The following MDGA2 variants were observed in gnomAD, a reference collection of about 807,000 sequenced individuals.
MDGA2 encodes the protein MAM domain-containing glycosylphosphatidylinositol anchor protein 2.
Under a neutral mutation model 117.8 loss-of-function variants are expected in MDGA2, and 40 were observed. The observed-to-expected ratio is 0.34, with a 90% CI of 0.26 to 0.44. The LOEUF is 0.44. Among genes scored for constraint, MDGA2 ranks in the 20% least tolerant of loss-of-function variants. The pLI is 1.00. For missense variants in MDGA2, 1,123 were observed against 1,250.6 expected (o/e 0.90, Z 1.54); for synonymous variants, 452 against 439.0 (o/e 1.03, Z -0.37).
At chr14:47,376,572 C>A (rs1028730938) in intron 1 of MDGA2, among the ~76,000 whole-genome samples, 4 of 152,212 alleles carry the variant, frequency 2.6e-5, no homozygotes, top group African/African-American at 9.6e-5. Context: ...TAGTTCTCAC[C>A]TCAGTAGGGG....
chr14:47,160,714 CT>C (rs1883600056), intron 3 of MDGA2, among the ~76,000 whole-genome samples: 1 of 152,132 alleles, frequency 6.6e-6, no homozygotes, highest in South Asian at 2.1e-4. Context: ...ACATAAAACT[CT>C]GCTGGGATTG....
chr14:47,631,087 C>T (rs374758302), intron 1 of MDGA2, among the ~76,000 whole-genome samples: 42 of 152,308 alleles, frequency 2.8e-4, no homozygotes, highest in South Asian at 2.3e-3. Context: ...ACAATGTGAT[C>T]ACCTGGAAGG....
intron 1 of MDGA2, among the ~76,000 whole-genome samples, chr14:47,611,311 G>T (rs1252431776): frequency 6.6e-6 from 1 of 152,078 alleles, no homozygotes; most frequent in African/African-American, 2.4e-5. Context: ...AAGATTTCAT[G>T]ACCAAGAACC....
chr14:47,441,311 G>A (rs1419086637), intron 1 of MDGA2, among the ~76,000 whole-genome samples: 1 of 152,130 alleles, frequency 6.6e-6, no homozygotes, highest in Non-Finnish European at 1.5e-5. Context: ...GCACTGAGCC[G>A]GACAGGGAGC....
intron 1 of MDGA2, among the ~76,000 whole-genome samples, chr14:47,582,878 T>C: frequency 6.6e-6 from 1 of 151,914 alleles, no homozygotes; most frequent in Non-Finnish European, 1.5e-5. Flanking sequence ...AACTTCAACC[T>C]CTTTGTCAGG....
chr14:47,324,108 G>T (rs1890069970), intron 1 of MDGA2, among the ~76,000 whole-genome samples: 1 of 152,012 alleles, frequency 6.6e-6, no homozygotes, highest in Admixed American at 6.6e-5. Context: ...AGCCAGGCGT[G>T]GTGGCAGGCA....
chr14:46,936,909 C>T lies in MDGA2; in HGVS notation c.2090-16749G>A, dbSNP rs148789700. 2.3e-3 allele frequency among the ~76,000 whole-genome samples: 345 copies of T among 152,046 alleles called. 2 individuals carry two copies. Among genetic ancestry groups the T allele is most frequent in the African/African-American group, 7.9e-3 (326 of 41,462 alleles). On this transcript the variant is annotated intron_variant, in intron 9 of 16. Transcript: ENST00000399232. ...AAGACAAGGATGCCCACTCTTACCA[C>T]TCTTATTCAACGCAGTACTAGATGT...
chr14:46,964,245 C>G (rs1885926216), intron 8 of MDGA2, among the ~76,000 whole-genome samples: 1 of 152,188 alleles, frequency 6.6e-6, no homozygotes, highest in Admixed American at 6.5e-5. Flanking sequence ...AAGAAACCAT[C>G]TTGGACATTA....
intron 1 of MDGA2, among the ~76,000 whole-genome samples, chr14:47,335,056 T>G (rs906288416): frequency 6.6e-6 from 1 of 151,872 alleles, no homozygotes; most frequent in Non-Finnish European, 1.5e-5. Context: ...GCATGCACTT[T>G]ATGTATCTTT....
intron 3 of MDGA2, among the ~76,000 whole-genome samples, chr14:47,179,041 A>G (rs933713432): frequency 2.6e-5 from 4 of 152,232 alleles, no homozygotes; most frequent in East Asian, 1.9e-4. Flanking sequence ...ACCGGTCTAT[A>G]TATCATTAGA....
In MDGA2 at chr14:46,952,238, G is replaced by C. The variant is rs183861102; in HGVS notation, c.2089+5136C>G. Reference sequence around the variant, plus strand: ...TAAAGTTATTTTCAATGAAATCCAAGCAGAAAAAAAAAGTGTCTAAAATTA... The same window carrying C: ...TAAAGTTATTTTCAATGAAATCCAACCAGAAAAAAAAAGTGTCTAAAATTA... On this transcript the variant is annotated intron_variant, in intron 9 of 16. Coordinates refer to ENST00000399232, the MANE Select transcript of MDGA2 (RefSeq NM_001113498.3). Among the ~76,000 whole-genome samples, 4 of 146,458 alleles carry C rather than the reference G, an allele frequency of 2.7e-5. No homozygotes were observed. The East Asian group carries it at 8.0e-4, about 29-fold the overall frequency.
At chr14:46,849,712 T>C (rs954372527) in intron 15 of MDGA2, among the ~76,000 whole-genome samples, 1 of 151,954 alleles carries the variant, frequency 6.6e-6, no homozygotes, top group African/African-American at 2.4e-5. Context: ...ACAAAAAATC[T>C]TAATTATATT....
chr14:47,641,236 T>C (rs1023844040), intron 1 of MDGA2, among the ~76,000 whole-genome samples: 15 of 152,100 alleles, frequency 9.9e-5, no homozygotes, highest in Non-Finnish European at 2.1e-4. Flanking sequence ...GATCATTAGC[T>C]TGATTCCTAA....
At chr14:47,429,454 G>C (rs968834065) in intron 1 of MDGA2, among the ~76,000 whole-genome samples, 19 of 152,022 alleles carry the variant, frequency 1.2e-4, no homozygotes, top group African/African-American at 4.3e-4. Context: ...CTTTATTCAT[G>C]GTCTGCAGAC....
chr14:47,617,300 G>C (rs1461822723), intron 1 of MDGA2, among the ~76,000 whole-genome samples: 2 of 151,798 alleles, frequency 1.3e-5, no homozygotes, highest in Non-Finnish European at 2.9e-5. Context: ...CTGCCTCCCA[G>C]GTTCAAGCGA....
chr14:47,552,434 C>T (rs1895599668), intron 1 of MDGA2, among the ~76,000 whole-genome samples: 1 of 152,224 alleles, frequency 6.6e-6, no homozygotes, highest in Non-Finnish European at 1.5e-5. Flanking sequence ...CAACTATGTC[C>T]TTTCCATTGT....
chr14:47,255,901 G>A (rs1887601368), intron 2 of MDGA2, among the ~76,000 whole-genome samples: 1 of 152,070 alleles, frequency 6.6e-6, no homozygotes, highest in South Asian at 2.1e-4. Flanking sequence ...TATTTGTATA[G>A]TCCAGGTGTT....
At chr14:47,366,605 C>T (rs930729020) in intron 1 of MDGA2, among the ~76,000 whole-genome samples, 3 of 151,944 alleles carry the variant, frequency 2.0e-5, no homozygotes, top group Admixed American at 1.3e-4. Context: ...ATAAAAGGGA[C>T]AGTATAACAT....
chr14:47,266,010 C>T (rs1011331309), intron 2 of MDGA2, among the ~76,000 whole-genome samples: 2 of 152,042 alleles, frequency 1.3e-5, no homozygotes, highest in African/African-American at 4.8e-5. Context: ...AGGCATGGGT[C>T]TAGGATTAAA....
Sources: gnomAD v4.1 joint callset for allele counts (sites outside exome capture counted in the v4.1 genomes callset) on GRCh38, gnomAD v4.1.1 for gene constraint, MANE v1.5 for transcripts, NCBI Gene and HGNC (gene_info 2026-07-23, HGNC 2026-07-21) for gene names.